GPR153: variants seen among roughly 807,000 people sequenced by gnomAD.
GPR153 encodes the protein probable G protein-coupled receptor 153.
A neutral mutation model predicts 34.1 loss-of-function variants in GPR153; 27 were observed. The observed-to-expected ratio is 0.79, with a 90% CI of 0.58 to 1.09. The LOEUF (loss-of-function observed/expected upper bound fraction) is 1.09, where lower values mean the gene tolerates loss of function less well. GPR153 is among the 50% of genes least tolerant of loss of function. GPR153 has a pLI of 0.00. For synonymous variants in GPR153, 408 were observed against 405.4 expected (o/e 1.01, Z -0.08); for missense variants, 848 against 860.2 (o/e 0.99, Z 0.18).
At chr1:6,254,250 A>G in intron 2 of GPR153, 103 bp from the exon 3 acceptor site, 1 of 1,070,964 alleles carries the variant, frequency 9.3e-7, no homozygotes, top group Non-Finnish European at 1.4e-6. Context: ...GGCACCCCAC[A>G]CCCCCAGTAT....
In GPR153 at chr1:6,251,440, G is replaced by A; in HGVS notation, c.877C>T (p.Leu293=). 5.0e-6 allele frequency: 8 copies of A among 1,613,454 alleles called. No homozygotes were observed. Among genetic ancestry groups the A allele is most frequent in the Non-Finnish European group, 6.8e-6 (8 of 1,179,968 alleles). Residue 293 remains leucine, a synonymous_variant, in exon 4 of 6, where the codon CTG becomes TTG. Transcript: ENST00000377893. This position sits in a 1 kb window ranked among gnomAD's most constrained non-coding sequence, Gnocchi z 4.9. ...TCGCAGGCCCAGAGGAACACAGGCA[G>A]CAGCAGGGCCTGGGCCACGGAGCAC... ...LWCSVAQALL[L]PVFLWACDRY... is the part of the protein sequence containing the mutation.
intron 1 of GPR153, among the ~76,000 whole-genome samples, chr1:6,258,352 C>G (rs1001675479): frequency 6.6e-6 from 1 of 152,224 alleles, no homozygotes; most frequent in African/African-American, 2.4e-5. Flanking sequence ...TGGTCTCGAA[C>G]TCCTGACCTC....
chr1:6,249,461 C>T lies in GPR153; in HGVS notation c.1707G>A (p.Trp569Ter), dbSNP rs1353108669. Reference sequence around the variant, plus strand: ...CCGCGCGCAGCCCCCCGGGCTCGCCCCACGACGCGCTCAGGCCGGGGCGCA... The same window carrying T: ...CCGCGCGCAGCCCCCCGGGCTCGCCTCACGACGCGCTCAGGCCGGGGCGCA... ...GSLRPGLSAS[W>*]GEPGGLRAAG... The change falls in exon 6 of 6, where the codon TGG becomes TGA. Residue 569 changes from tryptophan to a stop codon, truncating the protein, a stop_gained. Transcript: ENST00000377893. LOFTEE classifies it high-confidence loss of function. The surrounding 1 kb of genome is among the most constrained non-coding windows in gnomAD (Gnocchi z 4.3). 71 of 1,335,294 alleles carry T rather than the reference C, an allele frequency of 5.3e-5. No homozygotes were observed. The highest frequency in any genetic ancestry group is 6.7e-5 in the Non-Finnish European group (70 of 1,049,278). 82.7% of individuals were successfully genotyped at this position (1,335,294 alleles called of 1,614,324 possible).
rs961328298 is a variant in GPR153 at position 6,253,768 on chromosome 1, C to T, written c.736G>A (p.Val246Met). The T allele has an allele frequency of 3.9e-6, 6 of 1,543,932 alleles. No individual in the cohort carries two copies. Among genetic ancestry groups the T allele is most frequent in the African/African-American group, 2.7e-5 (2 of 72,886 alleles). Residue 246 changes from valine (V) to methionine (M), a missense_variant, in exon 3 of 6, where the codon GTG (valine) becomes ATG (methionine). Coordinates refer to ENST00000377893, the MANE Select transcript of GPR153 (RefSeq NM_207370.4). ...AKTSLQTTGLVTTIVFIYDCL... is the reference protein window; with the variant it reads ...AKTSLQTTGLMTTIVFIYDCL... Reference sequence around the variant, plus strand: ...TCGTAGATGAAGACTATGGTGGTCACGAGGCCCGTGGTCTGCAGAGAGGTT... The same window carrying T: ...TCGTAGATGAAGACTATGGTGGTCATGAGGCCCGTGGTCTGCAGAGAGGTT...
chr1:6,259,510 T>TC (rs1638626881), intron 1 of GPR153, among the ~76,000 whole-genome samples: 1 of 151,586 alleles, frequency 6.6e-6, no homozygotes, highest in African/African-American at 2.4e-5. Context: ...TTTTTTTTTT[T>TC]TGTCCCTAGA....
rs1312736803 is a variant in GPR153, at chr1:6,248,879, G to A, written c.*459C>T. On this transcript the variant is annotated 3_prime_UTR_variant, in exon 6 of 6. Transcript: ENST00000377893. ...TCTGTACCCTCCCCCCCCCCGAAGG[G>A]TGTGGCGGTTATGGTGCAGTGTGGG... The A allele has an allele frequency of 1.3e-5, 2 of 154,498 alleles. No individual in the cohort carries two copies. Among genetic ancestry groups the A allele is most frequent in the Non-Finnish European group, 2.9e-5 (2 of 69,814 alleles). 9.6% of individuals were successfully genotyped at this position (154,498 alleles called of 1,614,324 possible).
Position 6,251,275 on chromosome 1 carries a change from G to C in GPR153, c.979+63C>G, listed in dbSNP as rs1638441632. ...GGCGTTGCCTGACAGCCGTTTTCCT[G>C]CCAACCCCAATGACCTAACCTAGAC... On this transcript the variant is annotated intron_variant, in intron 4 of 5. Transcript: ENST00000377893. This position sits in a 1 kb window ranked among gnomAD's most constrained non-coding sequence, Gnocchi z 4.9. 1.5e-6 allele frequency: 2 copies of C among 1,375,058 alleles called. No individual in the cohort carries two copies. The highest frequency in any genetic ancestry group is 2.8e-5 in the South Asian group (2 of 72,056). The allele number at this position is 1,375,058 out of a possible 1,614,324, so 85.2% of individuals were successfully genotyped here.
chr1:6,258,551 AG>A (rs1187441275), intron 1 of GPR153, among the ~76,000 whole-genome samples: 1 of 152,152 alleles, frequency 6.6e-6, no homozygotes, highest in African/African-American at 2.4e-5. Flanking sequence ...GAGTGAGGGG[AG>A]CACTGGGCCA....
At chr1:6,252,419 G>A (rs970341725) in intron 3 of GPR153, among the ~76,000 whole-genome samples, 5 of 152,088 alleles carry the variant, frequency 3.3e-5, no homozygotes, top group African/African-American at 9.7e-5. Context: ...CCCCACCACT[G>A]CCCCCACTCT....
At chr1:6,253,624 T>C (rs944379969) in intron 3 of GPR153, 94 bp downstream of exon 3, 6 of 1,107,482 alleles carry the variant, frequency 5.4e-6, no homozygotes, top group African/African-American at 3.1e-5. Context: ...TCTCAAAGGA[T>C]TGGGTCTGAG....
intron 1 of GPR153, 31 bp from the exon 2 acceptor site, chr1:6,255,045 A>C: frequency 1.7e-6 from 1 of 580,904 alleles, no homozygotes; most frequent in Non-Finnish European, 2.9e-6. Context: ...GCACTCAGTG[A>C]CTTCCTCTCT....
Position 6,254,559 on chromosome 1 carries a change from A to C in GPR153, c.347T>G (p.Val116Gly). 1.9e-6 allele frequency: 3 copies of C among 1,567,322 alleles called. No homozygotes were observed. Among genetic ancestry groups the C allele is most frequent in the Non-Finnish European group, 2.6e-6 (3 of 1,156,924 alleles). ...AACTTCACATGCTCACCGGTAGTTG[A>C]CAGGCCAGCAGACCATCCACATGCG... Reference protein sequence around the residue: ...YHRMWMVCWPVNYRLSNAKKQ... With the variant: ...YHRMWMVCWPGNYRLSNAKKQ... The change falls in exon 2 of 6, where the codon GTC (valine) becomes GGC (glycine). Residue 116 changes from valine to glycine, a missense_variant. Val to Gly is a moderately radical substitution (Grantham distance 109). Coordinates refer to ENST00000377893, the MANE Select transcript of GPR153 (RefSeq NM_207370.4).
At position 6,251,451 on chromosome 1, in the gene GPR153, T is replaced by C; in HGVS notation, c.866A>G (p.Gln289Arg). The change falls in exon 4 of 6, where the codon CAG (glutamine) becomes CGG (arginine). Residue 289 changes from glutamine to arginine, a missense_variant. Gln to Arg is a conservative substitution (Grantham distance 43). Transcript: ENST00000377893. This position sits in a 1 kb window ranked among gnomAD's most constrained non-coding sequence, Gnocchi z 4.9. ...GAGGAACACAGGCAGCAGCAGGGCC[T>C]GGGCCACGGAGCACCACAGCACGCA... ...ALCVLWCSVA[Q>R]ALLLPVFLWA... 1 of 1,613,328 alleles carries C rather than the reference T, an allele frequency of 6.2e-7. No individual in the cohort carries two copies. The highest frequency in any genetic ancestry group is 8.5e-7 in the Non-Finnish European group (1 of 1,179,968).
chr1:6,250,208 C>A (rs1361986457), intron 5 of GPR153: 2 of 985,326 alleles, frequency 2.0e-6, no homozygotes, highest in Non-Finnish European at 2.4e-6. Context: ...GGAGGGCGCT[C>A]GTTGAGGATA....
At chr1:6,252,189 T>G (rs1364422687) in intron 3 of GPR153, among the ~76,000 whole-genome samples, 1 of 152,186 alleles carries the variant, frequency 6.6e-6, no homozygotes, top group African/African-American at 2.4e-5. Flanking sequence ...GGTATGTTGA[T>G]TCTGCCGTTT....
At chr1:6,255,433 G>A (rs530479915) in intron 1 of GPR153, among the ~76,000 whole-genome samples, 123 of 151,598 alleles carry the variant, frequency 8.1e-4, no homozygotes, top group South Asian at 7.3e-3. Context: ...TCCTGACCTC[G>A]TAATCTGCCC....
Position 6,251,567 on chromosome 1 carries a change from C to G in GPR153, c.787-37G>C, listed in dbSNP as rs1469687923. ...GGGCTCGGCCTGGCACCTGCAGGAC[C>G]CCCCACCATCACACAAGCTCCCCCT... On this transcript the variant is annotated intron_variant, in intron 3 of 5. Coordinates refer to ENST00000377893, the MANE Select transcript of GPR153 (RefSeq NM_207370.4). This position sits in a 1 kb window ranked among gnomAD's most constrained non-coding sequence, Gnocchi z 4.9. 4 of 1,523,592 alleles carry G rather than the reference C, an allele frequency of 2.6e-6. No homozygotes were observed. 94.4% of individuals were successfully genotyped at this position (1,523,592 alleles called of 1,614,324 possible). A position where few individuals can be genotyped will look rare whatever the true frequency, so the allele number is the denominator to read the frequency against.
chr1:6,251,729 G>A lies in GPR153; in HGVS notation c.787-199C>T, dbSNP rs1180110704. Among the ~76,000 whole-genome samples, 5 of 152,364 alleles carry A rather than the reference G, an allele frequency of 3.3e-5. No individual in the cohort carries two copies. Among genetic ancestry groups the A allele is most frequent in the African/African-American group, 1.2e-4 (5 of 41,588 alleles). On this transcript the variant is annotated intron_variant, in intron 3 of 5. Coordinates refer to ENST00000377893, the MANE Select transcript of GPR153 (RefSeq NM_207370.4). This position sits in a 1 kb window ranked among gnomAD's most constrained non-coding sequence, Gnocchi z 4.9. Reference sequence around the variant, plus strand: ...CCGGGAGCTACCTGGCTACTGGGCAGCACTGGGTGGCCTTGCTCTGTCTTC... The same window carrying A: ...CCGGGAGCTACCTGGCTACTGGGCAACACTGGGTGGCCTTGCTCTGTCTTC...
chr1:6,261,047 C>T lies in GPR153; in HGVS notation c.-332G>A, dbSNP rs1229071018. The T allele has an allele frequency of 2.0e-5, 3 of 147,810 alleles. No homozygotes were observed. Among genetic ancestry groups the T allele is most frequent in the Non-Finnish European group, 4.5e-5 (3 of 66,328 alleles). 9.2% of individuals were successfully genotyped at this position (147,810 alleles called of 1,614,324 possible). ...CCCTCCCTCCCCTAGGCGCCGCCGC[C>T]GCCGCCGCGCTTCGCTCAGCTCCCG... On this transcript the variant is annotated 5_prime_UTR_variant, in exon 1 of 6. Transcript: ENST00000377893.
Sources: gnomAD v4.1 joint callset for allele counts (sites outside exome capture counted in the v4.1 genomes callset) on GRCh38, gnomAD v4.1.1 for gene constraint, Gnocchi (gnomAD v3.1) non-coding constraint, MANE v1.5 for transcripts, NCBI Gene and HGNC (gene_info 2026-07-23, HGNC 2026-07-21) for gene names.